Variants in DLC1 observed in about 807,000 individuals in gnomAD.
DLC1 encodes rho GTPase-activating protein 7.
DLC1 carries 54 observed loss-of-function variants against 140.3 expected under a neutral mutation model. The observed-to-expected ratio is 0.38, with a 90% CI of 0.31 to 0.48. DLC1 has a LOEUF of 0.48. Ranked by LOEUF, DLC1 falls within the 20% of genes least tolerant of loss-of-function variation. The pLI is 0.96. For missense variants in DLC1, 2,536 were observed against 1,907.0 expected (o/e 1.33, Z -6.14); for synonymous variants, 986 against 728.1 (o/e 1.35, Z -5.70).
chr8:13,262,591 G>C (rs956625279), intron 5 of DLC1, among the ~76,000 whole-genome samples: 8 of 152,124 alleles, frequency 5.3e-5, no homozygotes, highest in Non-Finnish European at 8.8e-5. Context: ...ATGAGGCCTT[G>C]TCCTGGCACT....
intron 1 of DLC1, among the ~76,000 whole-genome samples, chr8:13,503,465 T>C (rs1345380271): frequency 1.3e-5 from 2 of 152,202 alleles, no homozygotes; most frequent in Non-Finnish European, 2.9e-5. Flanking sequence ...AGTTTGAAAA[T>C]CACTGATCTA....
chr8:13,421,147 CAG>C (rs1212149476), intron 2 of DLC1, among the ~76,000 whole-genome samples: 2 of 152,156 alleles, frequency 1.3e-5, no homozygotes, highest in Non-Finnish European at 2.9e-5. Context: ...AACTCGATGA[CAG>C]ATCCAGAATA....
chr8:13,392,834 G>GTTC (rs1554511230), intron 4 of DLC1, among the ~76,000 whole-genome samples: 886 of 5,256 alleles, frequency 0.17, 7 homozygotes, highest in African/African-American at 0.3. Flanking sequence ...TGTGGAATAA[G>GTTC]TTTTAATAGC....
intron 9 of DLC1, 128 bp from the exon 10 acceptor site, chr8:13,098,703 A>G (rs1268825618): frequency 3.0e-6 from 3 of 992,278 alleles, no homozygotes; most frequent in Admixed American, 2.8e-5. Context: ...GCAGCCTTGA[A>G]CTCCTCAGCT....
chr8:13,346,131 T>C (rs1301133520), intron 4 of DLC1, among the ~76,000 whole-genome samples: 5 of 152,216 alleles, frequency 3.3e-5, no homozygotes, highest in Non-Finnish European at 7.3e-5. Flanking sequence ...TCTTCAGAAA[T>C]TATTACTTAC....
At chr8:13,296,530 A>G (rs1831961794) in intron 5 of DLC1, among the ~76,000 whole-genome samples, 1 of 152,136 alleles carries the variant, frequency 6.6e-6, no homozygotes, top group African/African-American at 2.4e-5. Flanking sequence ...TTAGAAGGAG[A>G]AATAAAAGTC....
At chr8:13,325,676 A>G (rs1335762075) in intron 4 of DLC1, among the ~76,000 whole-genome samples, 1 of 152,224 alleles carries the variant, frequency 6.6e-6, no homozygotes, top group Non-Finnish European at 1.5e-5. Context: ...CGATTTAGGA[A>G]CTTACAGAAT....
chr8:13,489,449 A>ACACACACACACACAC (rs56002951), intron 2 of DLC1, among the ~76,000 whole-genome samples: 308 of 149,994 alleles, frequency 2.1e-3, no homozygotes, highest in South Asian at 3.0e-3. Flanking sequence ...ACACACACAC[A>ACACACACACACACAC]AAATGTTGCT....
chr8:13,125,570 C>T (rs965028075), intron 5 of DLC1, among the ~76,000 whole-genome samples: 2 of 152,134 alleles, frequency 1.3e-5, no homozygotes, highest in Non-Finnish European at 2.9e-5. Context: ...GAAGCTGGTA[C>T]AGAATTGAGG....
chr8:13,332,931 C>A (rs549824385), intron 4 of DLC1, among the ~76,000 whole-genome samples: 47 of 152,016 alleles, frequency 3.1e-4, no homozygotes, highest in African/African-American at 1.1e-3. Context: ...GCCAAAATCT[C>A]CTGCCCAAAG....
At chr8:13,567,002 G>A (rs1386649819) in intron 1 of DLC1, 2 of 1,547,858 alleles carry the variant, frequency 1.3e-6, no homozygotes, top group South Asian at 2.4e-5. Context: ...ATGGCCATCT[G>A]CCCAGAATTG....
At chr8:13,544,570 C>G (rs189859630) in intron 1 of DLC1, among the ~76,000 whole-genome samples, 35 of 152,202 alleles carry the variant, frequency 2.3e-4, no homozygotes, top group African/African-American at 8.2e-4. Context: ...AAAAGTGTAG[C>G]AGCTGGGGCT....
At chr8:13,557,860 C>T (rs1012750078) in intron 1 of DLC1, 2 of 152,176 alleles carry the variant, frequency 1.3e-5, no homozygotes, top group African/African-American at 4.8e-5. Context: ...AGAGACAAAT[C>T]TCTAAATTTT....
At chr8:13,305,001 G>C (rs1832359742) in intron 5 of DLC1, 1 of 1,091,418 alleles carries the variant, frequency 9.2e-7, no homozygotes, top group Non-Finnish European at 1.1e-6. Context: ...TAATTCTTTT[G>C]CTTAAGAAAA....
At chr8:13,394,712 C>G (rs1295189927) in intron 3 of DLC1, among the ~76,000 whole-genome samples, 2 of 152,200 alleles carry the variant, frequency 1.3e-5, no homozygotes, top group Non-Finnish European at 2.9e-5. Flanking sequence ...CACCCCAACT[C>G]TCCAGTCTTA....
intron 16 of DLC1, among the ~76,000 whole-genome samples, 174 bp from the exon 17 acceptor site, chr8:13,086,637 G>C (rs1477046048): frequency 6.6e-6 from 1 of 152,208 alleles, no homozygotes; most frequent in Non-Finnish European, 1.5e-5. Flanking sequence ...TGGTGTACAT[G>C]TGTTCCCCAA....
In DLC1 at chr8:13,085,050, C is replaced by T. The variant is rs1817441280; in HGVS notation, c.*761G>A. The T allele has an allele frequency of 6.6e-6, 1 of 152,182 alleles. No individual in the cohort carries two copies. The highest frequency in any genetic ancestry group is 1.5e-5 in the Non-Finnish European group (1 of 68,032). The allele number at this position is 152,182 out of a possible 1,614,324, so 9.4% of individuals were successfully genotyped here. A position where few individuals can be genotyped will look rare whatever the true frequency, so the allele number is the denominator to read the frequency against. ...TAATCCATACTGGTTAAAACTACAT[C>T]ACTATTTGCAATCGGGTCTAAAAAT... On this transcript the variant is annotated 3_prime_UTR_variant, in exon 18 of 18. Coordinates refer to ENST00000276297, the MANE Select transcript of DLC1 (RefSeq NM_182643.3).
intron 8 of DLC1, among the ~76,000 whole-genome samples, chr8:13,101,281 G>C (rs1318049686): frequency 6.6e-6 from 1 of 152,132 alleles, no homozygotes; most frequent in Non-Finnish European, 1.5e-5. Flanking sequence ...ACCAAATGTT[G>C]CAAGTTAAAT....
chr8:13,179,661 C>T (rs1825934463), intron 5 of DLC1, among the ~76,000 whole-genome samples: 1 of 152,026 alleles, frequency 6.6e-6, no homozygotes, highest in South Asian at 2.1e-4. Context: ...GTTGCGGCCA[C>T]AGTGAGCACT....
Sources: allele counts gnomAD v4.1 joint callset (sites outside exome capture counted in the v4.1 genomes callset), GRCh38; gene constraint gnomAD v4.1.1; transcripts MANE v1.5; gene names NCBI Gene and HGNC (gene_info 2026-07-23, HGNC 2026-07-21).